The following PLIN3 variants were observed in gnomAD, a reference collection of about 807,000 sequenced individuals.
PLIN3 encodes the protein perilipin 3, also known as perilipin-3.
Under a neutral mutation model 35.9 loss-of-function variants are expected in PLIN3, and 30 were observed. The ratio of observed to expected loss-of-function variants is 0.84; its 90% CI spans 0.62 to 1.13. The LOEUF (loss-of-function observed/expected upper bound fraction) is 1.13. Ranked by LOEUF, PLIN3 falls within the 50% of genes most tolerant of loss-of-function variation. PLIN3 has a pLI of 0.00. For missense variants in PLIN3, 603 were observed against 596.9 expected, an observed-to-expected ratio of 1.01 and a Z score of -0.11; for synonymous variants, 261 against 262.5, an observed-to-expected ratio of 0.99 and a Z score of 0.06.
At chr19:4,850,431 A>AT (rs1320664807) in intron 5 of PLIN3, among the ~76,000 whole-genome samples, 1 of 149,444 alleles carries the variant, frequency 6.7e-6, no homozygotes, top group Non-Finnish European at 1.5e-5. Context: ...TATTATTATT[A>AT]TTTTTTTGAG....
chr19:4,848,965 A>T (rs1028165717), intron 5 of PLIN3, among the ~76,000 whole-genome samples: 10 of 151,980 alleles, frequency 6.6e-5, no homozygotes, highest in African/African-American at 2.2e-4. Flanking sequence ...TTTTTCCTGT[A>T]CTTTTTCTTC....
intron 6 of PLIN3, among the ~76,000 whole-genome samples, chr19:4,845,089 T>C (rs1197750638): frequency 1.3e-5 from 2 of 152,148 alleles, no homozygotes; most frequent in African/African-American, 4.8e-5. Context: ...GTGGCTGGCT[T>C]TGGCCAATGG....
chr19:4,852,926 T>C (rs777077967), intron 4 of PLIN3, among the ~76,000 whole-genome samples: 2 of 151,976 alleles, frequency 1.3e-5, no homozygotes, highest in Non-Finnish European at 2.9e-5. Flanking sequence ...GCGATTCTCC[T>C]GCCTCAGCCT....
In PLIN3 at chr19:4,847,815, A is replaced by T; in HGVS notation, c.710T>A (p.Val237Glu). The T allele has an allele frequency of 6.2e-7, 1 of 1,613,914 alleles. No individual in the cohort carries two copies. The highest frequency in any genetic ancestry group is 8.5e-7 in the Non-Finnish European group (1 of 1,179,970). Residue 237 changes from valine to glutamate, a missense_variant, in exon 6 of 8, where the codon GTA becomes GAA. By Grantham distance (121) the Val-to-Glu change is moderately radical (BLOSUM62 -2). Transcript: ENST00000221957. Reference sequence around the variant, plus strand: ...CCTCTCCGACAGGGAGCCCAGACGTACGAAGTAGCTCTGTTCCTGCCGCTG... The same window carrying T: ...CCTCTCCGACAGGGAGCCCAGACGTTCGAAGTAGCTCTGTTCCTGCCGCTG... The part of the protein sequence containing the change: ...QQQRQEQSYF[V>E]RLGSLSERLR...
chr19:4,839,322 T>A lies in PLIN3; in HGVS notation c.1175A>T (p.Glu392Val). The A allele has an allele frequency of 1.2e-6, 2 of 1,613,916 alleles. No individual in the cohort carries two copies. The highest frequency in any genetic ancestry group is 1.7e-6 in the Non-Finnish European group (2 of 1,179,954). ...LSSSILAQSR[E>V]RVASAREALD... Reference sequence around the variant, plus strand: ...GGCCTCGCGGGCGCTGGCGACACGCTCACGGCTCTGGGCCAGAATGCTGCT... The same window carrying A: ...GGCCTCGCGGGCGCTGGCGACACGCACACGGCTCTGGGCCAGAATGCTGCT... The change falls in exon 8 of 8, where the codon GAG becomes GTG. Residue 392 changes from glutamate (E) to valine (V), a missense_variant. Transcript: ENST00000221957.
intron 5 of PLIN3, 34 bp downstream of exon 5, chr19:4,851,982 A>T (rs1191914191): frequency 6.3e-7 from 1 of 1,591,748 alleles, no homozygotes; most frequent in South Asian, 1.1e-5. Context: ...GGGCCTGGGG[A>T]GGGGTCCCAG....
chr19:4,839,093 G>T lies in PLIN3; in HGVS notation c.*99C>A. The T allele has an allele frequency of 1.1e-6, 1 of 950,368 alleles. No individual in the cohort carries two copies. The highest frequency in any genetic ancestry group is 1.6e-6 in the Non-Finnish European group (1 of 630,324). 58.9% of individuals were successfully genotyped at this position (950,368 alleles called of 1,614,324 possible). A position where few individuals can be genotyped will look rare whatever the true frequency, so the allele number is the denominator to read the frequency against. On this transcript the variant is annotated 3_prime_UTR_variant, in exon 8 of 8. Transcript: ENST00000221957. ...GTGGACAGCACAGAAGAGCTGGGAG[G>T]AGTGGCTAGAAAATAAGTTTGAAAT...
intron 6 of PLIN3, 103 bp downstream of exon 6, chr19:4,847,588 G>A: frequency 4.1e-6 from 4 of 974,190 alleles, no homozygotes; most frequent in South Asian, 2.9e-5. Context: ...GAATGGCCCT[G>A]CCAGCCTGCA....
At chr19:4,861,459 C>G (rs541287167) in intron 1 of PLIN3, 48 bp from the exon 2 acceptor site, 1 of 1,387,854 alleles carries the variant, frequency 7.2e-7, no homozygotes, top group South Asian at 1.2e-5. Context: ...CCCCACCTTC[C>G]AGGAGAAAGT....
chr19:4,844,274 GC>G (rs1599159234), intron 7 of PLIN3, among the ~76,000 whole-genome samples: 2 of 152,076 alleles, frequency 1.3e-5, no homozygotes, highest in Non-Finnish European at 2.9e-5. Context: ...GACCAGCCTG[GC>G]CAACATGGTG....
Position 4,851,915 on chromosome 19 carries a change from A to T in PLIN3, c.634+101T>A, listed in dbSNP as rs533326575. 4 of 1,242,212 alleles carry T rather than the reference A, an allele frequency of 3.2e-6. No individual in the cohort carries two copies. The East Asian group carries it at 7.6e-5, about 23-fold the overall frequency. 76.9% of individuals were successfully genotyped at this position (1,242,212 alleles called of 1,614,324 possible). Reference sequence around the variant, plus strand: ...ATGCCCGGGAGAAGTGGCAGGGACGAGGCGGCAGTGAGTGTCGGCACAGAC... The same window carrying T: ...ATGCCCGGGAGAAGTGGCAGGGACGTGGCGGCAGTGAGTGTCGGCACAGAC... On this transcript the variant is annotated intron_variant, in intron 5 of 7. Transcript: ENST00000221957.
At chr19:4,849,563 T>C (rs1235238793) in intron 5 of PLIN3, among the ~76,000 whole-genome samples, 1 of 152,144 alleles carries the variant, frequency 6.6e-6, no homozygotes, top group Non-Finnish European at 1.5e-5. Flanking sequence ...ACCAAAGTGC[T>C]GGGATGACAG....
intron 5 of PLIN3, among the ~76,000 whole-genome samples, chr19:4,851,631 G>A (rs1172077398): frequency 6.6e-6 from 1 of 151,980 alleles, no homozygotes; most frequent in East Asian, 1.9e-4. Flanking sequence ...ATGCAGGAGC[G>A]GAGTGGCGAA....
In PLIN3 at chr19:4,852,372, C is replaced by A. The variant is rs535740615; in HGVS notation, c.349-71G>T. 3 of 1,539,800 alleles carry A rather than the reference C, an allele frequency of 1.9e-6. No individual in the cohort carries two copies. In the African/African-American group the frequency reaches 4.1e-5, roughly 21 times the overall value. ...TGGGCACCCCTCCCCTGCACCCCAA[C>A]TTCCAGGGAGACCGAGGCGGGGAGC... On this transcript the variant is annotated intron_variant, in intron 4 of 7. Transcript: ENST00000221957.
chr19:4,842,525 G>A (rs1042736066), intron 7 of PLIN3, among the ~76,000 whole-genome samples: 2 of 150,230 alleles, frequency 1.3e-5, no homozygotes, highest in South Asian at 2.1e-4. Flanking sequence ...GCTTGAACCC[G>A]GGAGGCAGAG....
chr19:4,843,283 G>C (rs1397540662), intron 7 of PLIN3, among the ~76,000 whole-genome samples: 1 of 151,908 alleles, frequency 6.6e-6, no homozygotes, highest in East Asian at 1.9e-4. Flanking sequence ...GAGGCGGGCG[G>C]ATCACAAGGT....
intron 6 of PLIN3, among the ~76,000 whole-genome samples, chr19:4,846,337 C>A (rs10425773): frequency 9.4e-5 from 14 of 148,680 alleles, no homozygotes; most frequent in Non-Finnish European, 1.9e-4. Context: ...AAAAAAAAAT[C>A]GTCATAAAGG....
chr19:4,840,818 G>A (rs1307754339), intron 7 of PLIN3, among the ~76,000 whole-genome samples: 3 of 152,142 alleles, frequency 2.0e-5, no homozygotes, highest in South Asian at 4.1e-4. Context: ...GGTGGCATGT[G>A]CCTATAATCC....
chr19:4,847,405 G>A lies in PLIN3; in HGVS notation c.834+286C>T, dbSNP rs12976529. ...AGATGGGGTCTTGCTATATTGCCCA[G>A]GTGGGTCTCAAACCCCTGGACTCAT... On this transcript the variant is annotated intron_variant, in intron 6 of 7. Transcript: ENST00000221957. Among the ~76,000 whole-genome samples, 845 of 152,174 alleles carry A rather than the reference G, an allele frequency of 5.6e-3. 3 individuals are homozygous for A. The highest frequency in any genetic ancestry group is 6.8e-3 in the Non-Finnish European group (462 of 68,004).
Sources: allele counts gnomAD v4.1 joint callset (sites outside exome capture counted in the v4.1 genomes callset), GRCh38; gene constraint gnomAD v4.1.1; transcripts MANE v1.5; gene names NCBI Gene and HGNC (gene_info 2026-07-23, HGNC 2026-07-21).